Variants in CCDC122 observed in about 807,000 individuals in gnomAD.
CCDC122 encodes coiled-coil domain-containing protein 122.
A neutral mutation model predicts 37.0 loss-of-function variants in CCDC122; 38 were observed. That is an observed-to-expected ratio of 1.03 (90% CI 0.79 to 1.35). The LOEUF (loss-of-function observed/expected upper bound fraction) is 1.35. Ranked by LOEUF, CCDC122 falls within the 40% of genes most tolerant of loss-of-function variation. The pLI, the probability that CCDC122 is intolerant of heterozygous loss-of-function variation, is 0.00. For missense variants in CCDC122, 305 were observed against 310.0 expected, an observed-to-expected ratio of 0.98 and a Z score of 0.12; for synonymous variants, 83 against 95.6, an observed-to-expected ratio of 0.87 and a Z score of 0.77.
At chr13:43,860,895 C>T (rs1954081333) in intron 4 of CCDC122, among the ~76,000 whole-genome samples, 1 of 152,208 alleles carries the variant, frequency 6.6e-6, no homozygotes, top group African/African-American at 2.4e-5. Context: ...TGAATCCTTT[C>T]TACAACCTCA....
intron 4 of CCDC122, among the ~76,000 whole-genome samples, chr13:43,867,754 A>G (rs1316906760): frequency 6.6e-6 from 1 of 152,158 alleles, no homozygotes; most frequent in Non-Finnish European, 1.5e-5. Flanking sequence ...TTACAAAAAT[A>G]TGACATTATT....
rs558767155 is a variant in CCDC122 at position 43,858,662 on chromosome 13, G to T, written c.672+119C>A. 15 of 680,624 alleles carry T rather than the reference G, an allele frequency of 2.2e-5. No homozygotes were observed. The South Asian group carries it at 4.1e-4, about 19-fold the overall frequency. The allele number at this position is 680,624 out of a possible 1,614,324, so 42.2% of individuals were successfully genotyped here. A position where few individuals can be genotyped will look rare whatever the true frequency, so the allele number is the denominator to read the frequency against. ...TGATTTGTATTTACTAAATTTTATA[G>T]TTCTTTCTTGTTCTTCAACTGTTTT... On this transcript the variant is annotated intron_variant, in intron 6 of 6. Transcript: ENST00000444614.
intron 3 of CCDC122, among the ~76,000 whole-genome samples, chr13:43,828,555 T>TACAC (rs56901535): frequency 0.011 from 1,559 of 146,212 alleles, 14 homozygotes; most frequent in Middle Eastern, 0.024. Flanking sequence ...TATAGACAGA[T>TACAC]ACACACACAC....
At chr13:43,853,131 A>C (rs1036262880) in intron 6 of CCDC122, among the ~76,000 whole-genome samples, 3 of 152,196 alleles carry the variant, frequency 2.0e-5, no homozygotes, top group Non-Finnish European at 4.4e-5. Context: ...AAATCTACAC[A>C]TATCAATACT....
chr13:43,819,296 A>G (rs1041523801), downstream of CCDC122, among the ~76,000 whole-genome samples: 11 of 152,194 alleles, frequency 7.2e-5, no homozygotes, highest in Non-Finnish European at 1.6e-4. Flanking sequence ...TAGCAAAATT[A>G]TGTGTGTATG....
chr13:43,834,902 C>T (rs1389719519), downstream of CCDC122, among the ~76,000 whole-genome samples: 3 of 152,036 alleles, frequency 2.0e-5, no homozygotes, highest in South Asian at 2.1e-4. Context: ...GTCAGTGTGG[C>T]GATTCCTCAG....
intron 3 of CCDC122, among the ~76,000 whole-genome samples, chr13:43,825,769 C>CAA (rs58173578): frequency 0.41 from 29,925 of 73,032 alleles, 4,924 homozygotes; most frequent in Admixed American, 0.43. Context: ...GACTCCGTCT[C>CAA]AAAAAAAAAA....
At chr13:43,833,121 T>C (rs566589086), downstream of CCDC122, among the ~76,000 whole-genome samples, 5 of 152,306 alleles carry the variant, frequency 3.3e-5, no homozygotes, top group Admixed American at 6.5e-5. Flanking sequence ...GTGACTCCCA[T>C]GGTTTTTAAG....
chr13:43,833,197 A>G (rs1953106546), downstream of CCDC122, among the ~76,000 whole-genome samples: 2 of 152,198 alleles, frequency 1.3e-5, no homozygotes, highest in Admixed American at 6.5e-5. Context: ...TAGGTTGCAC[A>G]TGTAGTAAGT....
chr13:43,831,041 G>A lies in CCDC122; in HGVS notation n.602-7030C>T, dbSNP rs556751326. On this transcript the variant is annotated intron_variant and non_coding_transcript_variant, in intron 3 of 3. Transcript: ENST00000470137. Reference sequence around the variant, plus strand: ...TAAATTAGTGGAAGGTTAGAATAAGGATGGATCTTTTTCTGAATTGAATGT... The same window carrying A: ...TAAATTAGTGGAAGGTTAGAATAAGAATGGATCTTTTTCTGAATTGAATGT... Among the ~76,000 whole-genome samples the A allele has an allele frequency of 5.9e-5, 9 of 152,268 alleles. No homozygotes were observed. In the East Asian group the frequency reaches 1.7e-3, roughly 29 times the overall value.
intron 6 of CCDC122, among the ~76,000 whole-genome samples, chr13:43,839,907 G>T (rs1193904247): frequency 1.3e-5 from 2 of 152,214 alleles, no homozygotes; most frequent in Admixed American, 6.5e-5. Flanking sequence ...CTCCAGGGGT[G>T]CCTCGTGGTC....
rs930201028 is a variant in CCDC122 at position 43,837,369 on chromosome 13, G to T, written c.733C>A (p.Gln245Lys). The change falls in exon 7 of 7, where the codon CAG (glutamine) becomes AAG (lysine). Residue 245 changes from glutamine to lysine, a missense_variant. Coordinates refer to ENST00000444614, the MANE Select transcript of CCDC122 (RefSeq NM_144974.5). The part of the protein sequence containing the change: ...KRLHCQVNKL[Q>K]SNRRQWQWNI... The stretch of plus-strand genomic sequence containing the variant: ...CATTGCCACTGTCGTCTATTTGACT[G>T]AAGCTTGTTCACCTGACAATGCAAA... The T allele has an allele frequency of 6.2e-7, 1 of 1,614,012 alleles. No individual in the cohort carries two copies. Among genetic ancestry groups the T allele is most frequent in the African/African-American group, 1.3e-5 (1 of 75,026 alleles).
intron 6 of CCDC122, among the ~76,000 whole-genome samples, chr13:43,838,937 G>A (rs1248240660): frequency 6.6e-6 from 1 of 152,160 alleles, no homozygotes; most frequent in African/African-American, 2.4e-5. Flanking sequence ...GAGGGATAGG[G>A]TAAAGATCAG....
rs1481111612 is a variant in CCDC122, at chr13:43,869,315, A to C, written c.46+16T>G. 6.4e-7 allele frequency: 1 copy of C among 1,574,224 alleles called. No individual in the cohort carries two copies. Among genetic ancestry groups the C allele is most frequent in the Admixed American group, 1.7e-5 (1 of 59,162 alleles). On this transcript the variant is annotated intron_variant, in intron 3 of 6. Coordinates refer to ENST00000444614, the MANE Select transcript of CCDC122 (RefSeq NM_144974.5). The stretch of plus-strand genomic sequence containing the variant: ...CTGATCTTTTAATTATTTATTTCTT[A>C]AGACTGTTTCATTACCTTCTTTAGG...
chr13:43,819,060 C>T (rs1952977982), downstream of CCDC122, among the ~76,000 whole-genome samples: 1 of 152,052 alleles, frequency 6.6e-6, no homozygotes, highest in Admixed American at 6.5e-5. Flanking sequence ...AAAAGAAATG[C>T]TTATGGCCTT....
chr13:43,844,765 T>C (rs1442545830), intron 6 of CCDC122, among the ~76,000 whole-genome samples: 2 of 152,130 alleles, frequency 1.3e-5, no homozygotes, highest in Non-Finnish European at 2.9e-5. Flanking sequence ...ATCTACTTGA[T>C]ATTAACACAG....
intron 2 of CCDC122, among the ~76,000 whole-genome samples, chr13:43,872,523 CCTTT>C (rs1373310070): frequency 1.3e-5 from 2 of 152,054 alleles, no homozygotes; most frequent in East Asian, 3.8e-4. Flanking sequence ...CTTTTCCCTT[CCTTT>C]GAGTTGGTAA....
downstream of CCDC122, among the ~76,000 whole-genome samples, chr13:43,820,832 G>T (rs1952987877): frequency 6.6e-6 from 1 of 152,200 alleles, no homozygotes. Flanking sequence ...GTGGCTCACA[G>T]TAAAGGTCCA....
intron 3 of CCDC122, among the ~76,000 whole-genome samples, chr13:43,827,614 T>A (rs1330073764): frequency 6.6e-6 from 1 of 152,186 alleles, no homozygotes; most frequent in African/African-American, 2.4e-5. Context: ...TTCCTTTTCA[T>A]CCAAATGCAG....
Sources: gnomAD v4.1 joint callset for allele counts (sites outside exome capture counted in the v4.1 genomes callset) on GRCh38, gnomAD v4.1.1 for gene constraint, MANE v1.5 for transcripts, NCBI Gene and HGNC (gene_info 2026-07-23, HGNC 2026-07-21) for gene names.